The following KCNH1 variants were observed in gnomAD, a reference collection of about 807,000 sequenced individuals.
The protein encoded by KCNH1 is voltage-gated delayed rectifier potassium channel KCNH1.
KCNH1 carries 27 observed loss-of-function variants against 69.2 expected under a neutral mutation model. The observed-to-expected ratio is 0.39, with a 90% confidence interval of 0.29 to 0.54. The LOEUF (loss-of-function observed/expected upper bound fraction) is 0.54. Ranked by LOEUF, KCNH1 falls within the 20% of genes least tolerant of loss-of-function variation. KCNH1 has a pLI of 0.68. For missense variants in KCNH1, 798 were observed against 1,261.6 expected (o/e 0.63, Z 5.57); for synonymous variants, 456 against 487.7 (o/e 0.93, Z 0.86).
intron 6 of KCNH1, among the ~76,000 whole-genome samples, chr1:210,975,200 C>T (rs1376488438): frequency 6.6e-6 from 1 of 152,152 alleles, no homozygotes; most frequent in African/African-American, 2.4e-5. Flanking sequence ...ATTTTGCTGT[C>T]ATTTATGAAG....
chr1:211,001,734 A>G (rs1689183777), intron 6 of KCNH1, among the ~76,000 whole-genome samples: 1 of 152,176 alleles, frequency 6.6e-6, no homozygotes, highest in African/African-American at 2.4e-5. Context: ...TTGCGGCGCT[A>G]TTCACAATAG....
At chr1:210,905,885 G>T (rs546664074) in intron 7 of KCNH1, among the ~76,000 whole-genome samples, 4 of 152,268 alleles carry the variant, frequency 2.6e-5, no homozygotes, top group African/African-American at 7.2e-5. Flanking sequence ...AACACTGTTT[G>T]CTCAAAGCAG....
chr1:210,848,336 C>G (rs1685605916), intron 7 of KCNH1, among the ~76,000 whole-genome samples: 2 of 152,202 alleles, frequency 1.3e-5, no homozygotes, highest in South Asian at 4.1e-4. Flanking sequence ...CTCTTACTGA[C>G]TGGTTGGTCA....
rs747498526 is a variant in KCNH1 at position 211,050,260 on chromosome 1, T to TAAAAAAAAAAAAAA, written c.559-31018_559-31005dup. Among the ~76,000 whole-genome samples the TAAAAAAAAAAAAAA allele has an allele frequency of 2.9e-3, 171 of 58,550 alleles. 34 individuals are homozygous for TAAAAAAAAAAAAAA. Among genetic ancestry groups the TAAAAAAAAAAAAAA allele is most frequent in the African/African-American group, 9.8e-3 (138 of 14,146 alleles). The allele number at this position is 58,550 out of a possible 152,430, so 38.4% of individuals were successfully genotyped here. On this transcript the variant is annotated intron_variant, in intron 5 of 10. Transcript: ENST00000271751. ...AGGACAAACTCAGCCCACACATTCTTAAAAAAAAAAAAAAAAAAAAAAAAA... is the reference window on the plus strand; with the variant it reads ...AGGACAAACTCAGCCCACACATTCTTAAAAAAAAAAAAAAAAAAAAAAAAAAAAAAAAAAAAAAA...
In KCNH1 at chr1:210,919,243, A is replaced by G. The variant is rs923096798; in HGVS notation, c.1462+397T>C. On this transcript the variant is annotated intron_variant, in intron 7 of 10. Coordinates refer to ENST00000271751, the MANE Select transcript of KCNH1 (RefSeq NM_172362.3). The surrounding 1 kb of genome is among the most constrained non-coding windows in gnomAD (Gnocchi z 4.2). ...ATTTTTATTAAAAAGAAAAAAATTG[A>G]CATGAAAAGACTTCCATAATTCACT... 5 of 158,584 alleles carry G rather than the reference A, an allele frequency of 3.2e-5. No homozygotes were observed. The highest frequency in any genetic ancestry group is 9.6e-5 in the African/African-American group (4 of 41,726). 9.8% of individuals were successfully genotyped at this position (158,584 alleles called of 1,614,324 possible). A position where few individuals can be genotyped will look rare whatever the true frequency, so the allele number is the denominator to read the frequency against.
At chr1:210,774,033 G>A (rs1683804543) in intron 10 of KCNH1, among the ~76,000 whole-genome samples, 1 of 152,228 alleles carries the variant, frequency 6.6e-6, no homozygotes, top group East Asian at 1.9e-4. Context: ...AGTACTGTGT[G>A]GAATTCTCAT....
intron 5 of KCNH1, among the ~76,000 whole-genome samples, chr1:211,040,149 C>T (rs1571600063): frequency 6.6e-6 from 1 of 150,872 alleles, no homozygotes; most frequent in Admixed American, 6.6e-5. Flanking sequence ...CAAGATCGTG[C>T]CACTGCACTC....
At chr1:210,915,255 T>C (rs1687311819) in intron 7 of KCNH1, among the ~76,000 whole-genome samples, 1 of 152,148 alleles carries the variant, frequency 6.6e-6, no homozygotes, top group South Asian at 2.1e-4. Context: ...GTCCTTCCTA[T>C]CCACCTCCAT....
chr1:210,778,003 G>C (rs995889665), intron 9 of KCNH1, among the ~76,000 whole-genome samples: 3 of 152,192 alleles, frequency 2.0e-5, no homozygotes, highest in African/African-American at 7.2e-5. Flanking sequence ...CAATCAACAA[G>C]TGAGAAGCAC....
intron 10 of KCNH1, among the ~76,000 whole-genome samples, chr1:210,744,911 A>G (rs914497429): frequency 1.3e-5 from 2 of 152,026 alleles, no homozygotes; most frequent in African/African-American, 4.8e-5. Context: ...ATGTAAAATT[A>G]TAAATTGTTG....
At chr1:211,117,442 T>G (rs1691602177) in intron 1 of KCNH1, among the ~76,000 whole-genome samples, 12 of 152,150 alleles carry the variant, frequency 7.9e-5, no homozygotes. Context: ...CTTCTGCTCC[T>G]GTGTTCTTGG....
chr1:210,915,560 C>A (rs1235717589), intron 7 of KCNH1, among the ~76,000 whole-genome samples: 4 of 148,456 alleles, frequency 2.7e-5, no homozygotes, highest in African/African-American at 9.9e-5. Context: ...GAAACCAGGG[C>A]AGAAGCTGGC....
intron 5 of KCNH1, among the ~76,000 whole-genome samples, chr1:211,027,533 G>A (rs897186705): frequency 2.6e-5 from 4 of 151,920 alleles, no homozygotes; most frequent in East Asian, 1.9e-4. Context: ...GAGCCCAGGC[G>A]GTTGAGGCAG....
intron 10 of KCNH1, among the ~76,000 whole-genome samples, chr1:210,715,605 A>G (rs180989405): frequency 6.2e-4 from 95 of 152,142 alleles, no homozygotes; most frequent in Non-Finnish European, 1.2e-3. Context: ...AGAAGTTTGC[A>G]TCATAATCAT....
chr1:210,968,452 C>T (rs1225759782), intron 6 of KCNH1, among the ~76,000 whole-genome samples: 3 of 138,804 alleles, frequency 2.2e-5, no homozygotes, highest in Non-Finnish European at 4.6e-5. Flanking sequence ...CACTGACTTC[C>T]ACAATGGTTG....
chr1:210,912,482 G>A (rs1446645040), intron 7 of KCNH1, among the ~76,000 whole-genome samples: 2 of 152,134 alleles, frequency 1.3e-5, no homozygotes, highest in Non-Finnish European at 2.9e-5. Flanking sequence ...ACACTGTAAT[G>A]TACCTGATAT....
intron 10 of KCNH1, among the ~76,000 whole-genome samples, chr1:210,765,754 C>G (rs1683616499): frequency 6.6e-6 from 1 of 152,114 alleles, no homozygotes; most frequent in South Asian, 2.1e-4. Flanking sequence ...ATCTTTTAGC[C>G]AAGGCTTTAA....
At chr1:210,690,291 T>C (rs1021182521) in intron 10 of KCNH1, among the ~76,000 whole-genome samples, 2 of 152,188 alleles carry the variant, frequency 1.3e-5, no homozygotes, top group African/African-American at 4.8e-5. Context: ...AACCACTGTC[T>C]GAGAGCACTC....
intron 3 of KCNH1, among the ~76,000 whole-genome samples, chr1:211,091,066 C>T (rs552644911): frequency 1.2e-4 from 19 of 152,334 alleles, no homozygotes; most frequent in Middle Eastern, 6.8e-3. Context: ...TAGGTCCTGC[C>T]AACCATGGCC....
Sources: gnomAD v4.1 joint callset for allele counts (sites outside exome capture counted in the v4.1 genomes callset) on GRCh38, gnomAD v4.1.1 for gene constraint, Gnocchi (gnomAD v3.1) non-coding constraint, MANE v1.5 for transcripts, NCBI Gene and HGNC (gene_info 2026-07-23, HGNC 2026-07-21) for gene names.